Variants in SETX observed in about 807,000 individuals in gnomAD.
The protein encoded by SETX is helicase senataxin.
In SETX, 90 loss-of-function variants were observed where a neutral mutation model predicts 227.2. That is an observed-to-expected ratio of 0.40 (90% CI 0.33 to 0.47). The LOEUF (loss-of-function observed/expected upper bound fraction) is 0.47. SETX is among the 20% of genes least tolerant of loss of function. The pLI is 0.91. For missense variants in SETX, 3,052 were observed against 3,181.5 expected (o/e 0.96, Z 0.98); for synonymous variants, 1,210 against 1,113.2 (o/e 1.09, Z -1.73).
intron 25 of SETX, among the ~76,000 whole-genome samples, chr9:132,268,121 C>T (rs897232912): frequency 6.6e-6 from 1 of 152,248 alleles, no homozygotes; most frequent in African/African-American, 2.4e-5. Context: ...TTTTAACACT[C>T]AGATGCTTAT....
intron 15 of SETX, among the ~76,000 whole-genome samples, chr9:132,292,411 G>T (rs1480157064): frequency 1.6e-5 from 2 of 125,386 alleles, no homozygotes; most frequent in East Asian, 2.3e-4. Context: ...CCTGAGCTGG[G>T]GTACAAAAAA....
intron 10 of SETX, among the ~76,000 whole-genome samples, chr9:132,315,748 A>T (rs1051632113): frequency 6.6e-6 from 1 of 152,128 alleles, no homozygotes; most frequent in Non-Finnish European, 1.5e-5. Context: ...ATTCTTCCTT[A>T]CCCATCTCAG....
At chr9:132,293,209 A>C (rs1474328567) in intron 15 of SETX, among the ~76,000 whole-genome samples, 1 of 152,172 alleles carries the variant, frequency 6.6e-6, no homozygotes, top group African/African-American at 2.4e-5. Flanking sequence ...CATGCAATAA[A>C]ATTCAACACC....
rs146593865 is a variant in SETX, at chr9:132,296,984, T to C, written c.5852A>G (p.His1951Arg). Residue 1951 changes from histidine (H) to arginine (R), a missense_variant, in exon 14 of 26, where the codon CAC (histidine) becomes CGC (arginine). Around this residue, in one of 10 missense-constraint regions of SETX, gnomAD observed 239 missense variants for 272.1 expected, o/e 0.88. Coordinates refer to ENST00000224140, the MANE Select transcript of SETX (RefSeq NM_015046.7). ...GCAGATTTTGGCAACTGATGGTGAGTGTTTCACCATAGCATATGCAGTTTC... is the reference window on the plus strand; with the variant it reads ...GCAGATTTTGGCAACTGATGGTGAGCGTTTCACCATAGCATATGCAGTTTC... ...AIETAYAMVK[H>R]SPSVAKICLI... 22 of 1,612,798 alleles carry C rather than the reference T, an allele frequency of 1.4e-5. No individual in the cohort carries two copies. In the African/African-American group the frequency reaches 2.8e-4, roughly 21 times the overall value.
intron 15 of SETX, 96 bp from the exon 16 acceptor site, chr9:132,288,747 T>C: frequency 2.3e-6 from 2 of 857,562 alleles, no homozygotes; most frequent in Non-Finnish European, 3.8e-6. Context: ...AATATGTTAA[T>C]AATCAGAGAA....
Position 132,264,806 on chromosome 9 carries a change from A to G in SETX, c.7467T>C (p.Gly2489=). The G allele has an allele frequency of 3.1e-6, 5 of 1,614,138 alleles. No individual in the cohort carries two copies. The highest frequency in any genetic ancestry group is 1.1e-5 in the South Asian group (1 of 91,086). Residue 2489 remains glycine, a synonymous_variant, in exon 26 of 26, where the codon GGT becomes GGC. Transcript: ENST00000224140. ...IAPEGSRPQG[G]LPSSKLDSGF... ...CACTGTCTAGCTTGCTGCTGGGCAA[A>G]CCACCCTGGGGTCTGGACCCCTCTG... is the stretch of plus-strand genomic sequence containing the variant.
intron 7 of SETX, 29 bp from the exon 8 acceptor site, chr9:132,331,477 T>C: frequency 6.2e-7 from 1 of 1,608,624 alleles, no homozygotes; most frequent in Non-Finnish European, 8.5e-7. Flanking sequence ...ATCGTTGAAT[T>C]ACTAAACAGT....
At position 132,325,184 on chromosome 9, in the gene SETX, A is replaced by G. The variant is rs374126447; in HGVS notation, c.5274+1140T>C. Among the ~76,000 whole-genome samples, 397 of 152,078 alleles carry G rather than the reference A, an allele frequency of 2.6e-3. 2 individuals are homozygous for G. Among genetic ancestry groups the G allele is most frequent in the East Asian group, 8.8e-3 (45 of 5,126 alleles). The stretch of plus-strand genomic sequence containing the variant: ...ATCCTGGCTAACATGGTGAAACCCC[A>G]TCTCTACTAAAAATACAAAAAATTA... On this transcript the variant is annotated intron_variant, in intron 10 of 25. Coordinates refer to ENST00000224140, the MANE Select transcript of SETX (RefSeq NM_015046.7).
At chr9:132,346,704 C>G (rs1240522080) in intron 3 of SETX, among the ~76,000 whole-genome samples, 1 of 151,502 alleles carries the variant, frequency 6.6e-6, no homozygotes, top group African/African-American at 2.4e-5. Context: ...GTAATCCCAG[C>G]ATTTTGGAAG....
At chr9:132,278,408 C>T (rs1373260242) in intron 20 of SETX, 151 bp from the exon 21 acceptor site, 47 of 369,134 alleles carry the variant, frequency 1.3e-4, no homozygotes, top group South Asian at 1.4e-4. Context: ...AAAGGTGTTT[C>T]TGACTCTGAG....
At chr9:132,271,917 C>T (rs1842924178) in intron 23 of SETX, 109 bp from the exon 24 acceptor site, 1 of 890,648 alleles carries the variant, frequency 1.1e-6, no homozygotes, top group South Asian at 1.4e-5. Flanking sequence ...GAGTCTCACT[C>T]TGTCGCCCAG....
At position 132,336,512 on chromosome 9, in the gene SETX, G is replaced by A. The variant is rs772684663; in HGVS notation, c.502C>T (p.Arg168Trp). The A allele has an allele frequency of 1.0e-5, 16 of 1,603,998 alleles. No homozygotes were observed. Among genetic ancestry groups the A allele is most frequent in the Non-Finnish European group, 1.4e-5 (16 of 1,170,922 alleles). ...LFLVHPNEMV[R>W]RWAILTARNL... ...CTTGCAGTCAAGATAGCCCAACGCCGAACCTAAATGCAGAATATATTTATT... is the reference window on the plus strand; with the variant it reads ...CTTGCAGTCAAGATAGCCCAACGCCAAACCTAAATGCAGAATATATTTATT... Residue 168 changes from arginine (R) to tryptophan (W), a missense_variant, in exon 6 of 26, where the codon CGG becomes TGG. Coordinates refer to ENST00000224140, the MANE Select transcript of SETX (RefSeq NM_015046.7).
At position 132,342,816 on chromosome 9, in the gene SETX, A is replaced by T; in HGVS notation, c.389-17T>A. On this transcript the variant is annotated splice_polypyrimidine_tract_variant and intron_variant, in intron 4 of 25. Coordinates refer to ENST00000224140, the MANE Select transcript of SETX (RefSeq NM_015046.7). Reference sequence around the variant, plus strand: ...ATAACTCGTCTAAAAAGAAAAAAATAAGTAAAATACATAAATCTTATCACC... The same window carrying T: ...ATAACTCGTCTAAAAAGAAAAAAATTAGTAAAATACATAAATCTTATCACC... The T allele has an allele frequency of 2.6e-6, 4 of 1,544,758 alleles. No homozygotes were observed. In the South Asian group the frequency reaches 3.3e-5, roughly 13 times the overall value.
At chr9:132,318,151 T>A (rs1053771017) in intron 10 of SETX, among the ~76,000 whole-genome samples, 9 of 152,204 alleles carry the variant, frequency 5.9e-5, no homozygotes. Context: ...CCACATACTA[T>A]CCACTCCATT....
Position 132,298,065 on chromosome 9 carries a change from T to C in SETX, c.5781+15A>G, listed in dbSNP as rs779195360. On this transcript the variant is annotated intron_variant, in intron 13 of 25. Transcript: ENST00000224140. ...CTTAACATGAAATTATCTAGTATCA[T>C]ACATCATCACTCACAATTCTCTCAG... is the stretch of plus-strand genomic sequence containing the variant. 9.6e-6 allele frequency: 15 copies of C among 1,557,856 alleles called. No individual in the cohort carries two copies. Among genetic ancestry groups the C allele is most frequent in the Admixed American group, 5.1e-5 (3 of 59,090 alleles).
chr9:132,325,357 A>G (rs1362990784), intron 10 of SETX, among the ~76,000 whole-genome samples: 2 of 136,172 alleles, frequency 1.5e-5, no homozygotes, highest in South Asian at 2.4e-4. Flanking sequence ...CTCGTCTCAA[A>G]AAAAAGAAAA....
In SETX at chr9:132,269,624, C is replaced by T; in HGVS notation, c.7278G>A (p.Arg2426=). 1 of 1,614,192 alleles carries T rather than the reference C, an allele frequency of 6.2e-7. No individual in the cohort carries two copies. Among genetic ancestry groups the T allele is most frequent in the South Asian group, 1.1e-5 (1 of 91,076 alleles). Residue 2426 remains arginine, a synonymous_variant, in exon 25 of 26, where the codon AGG becomes AGA. Coordinates refer to ENST00000224140, the MANE Select transcript of SETX (RefSeq NM_015046.7). ...KYSLFILGHL[R]TLMENQHWNQ... is the part of the protein sequence containing the mutation. The stretch of plus-strand genomic sequence containing the variant: ...GCTCTCTGGTACCTACCATCAGGGT[C>T]CTCAAATGTCCGAGGATGAAGAGGC...
chr9:132,275,482 C>G (rs1454314798), intron 22 of SETX, 62 bp from the exon 23 acceptor site: 2 of 1,414,556 alleles, frequency 1.4e-6, no homozygotes, highest in East Asian at 4.7e-5. Context: ...TAATTGCTAA[C>G]TTAAGTTCCA....
chr9:132,356,336 G>A (rs1848912225), upstream of SETX, among the ~76,000 whole-genome samples: 1 of 152,038 alleles, frequency 6.6e-6, no homozygotes, highest in African/African-American at 2.4e-5. Flanking sequence ...CCGAGTAGCT[G>A]GGAGTACAGG....
Sources: gnomAD v4.1 joint callset for allele counts (sites outside exome capture counted in the v4.1 genomes callset) on GRCh38, gnomAD v4.1.1 for gene constraint, gnomAD v4.1.1 regional missense constraint, MANE v1.5 for transcripts, NCBI Gene and HGNC (gene_info 2026-07-23, HGNC 2026-07-21) for gene names.